The following KPNA6 variants were observed in gnomAD, a reference collection of about 807,000 sequenced individuals.
KPNA6 encodes the protein importin subunit alpha-7.
KPNA6 carries 9 observed loss-of-function variants against 72.0 expected under a neutral mutation model. The observed-to-expected ratio is 0.13, with a 90% CI of 0.08 to 0.22. KPNA6 has a LOEUF of 0.22. KPNA6 is among the 10% of genes least tolerant of loss of function. KPNA6 has a pLI of 1.00. For synonymous variants in KPNA6, 219 were observed against 242.1 expected, an observed-to-expected ratio of 0.90 and a Z score of 0.89; for missense variants, 374 against 655.7, an observed-to-expected ratio of 0.57 and a Z score of 4.69.
Position 32,158,268 on chromosome 1 carries a change from G to T in KPNA6, c.333G>T (p.Glu111Asp). The T allele has an allele frequency of 6.2e-7, 1 of 1,607,350 alleles. No individual in the cohort carries two copies. Among genetic ancestry groups the T allele is most frequent in the Non-Finnish European group, 8.5e-7 (1 of 1,174,196 alleles). Reference sequence around the variant, plus strand: ...TATTTTCCCTTCTCCCTTATCCAGAGCCTAGTCCTCCAATAGATGAAGTTA... The same window carrying T: ...TATTTTCCCTTCTCCCTTATCCAGATCCTAGTCCTCCAATAGATGAAGTTA... ...TQKFRKLLSKEPSPPIDEVIN... is the reference protein window; with the variant it reads ...TQKFRKLLSKDPSPPIDEVIN... The change falls in exon 5 of 14, where the codon GAG (glutamate) becomes GAT (aspartate). Residue 111 changes from glutamate to aspartate, a missense_variant and splice_region_variant. Physicochemically the swap from Glu to Asp is conservative, Grantham distance 45. This residue lies in a region of KPNA6 where 298 missense variants were observed against 495.4 expected (regional missense o/e 0.60). Coordinates refer to ENST00000373625, the MANE Select transcript of KPNA6 (RefSeq NM_012316.5).
intron 1 of KPNA6, among the ~76,000 whole-genome samples, chr1:32,146,129 G>C (rs1192850223): frequency 6.6e-6 from 1 of 152,064 alleles, no homozygotes; most frequent in African/African-American, 2.4e-5. Context: ...TTATAATTTT[G>C]TTCAAGTCCT....
At chr1:32,165,975 G>A (rs560810616) in intron 10 of KPNA6, 130 bp from the exon 11 acceptor site, 45 of 989,490 alleles carry the variant, frequency 4.5e-5, no homozygotes, top group Admixed American at 2.9e-4. Flanking sequence ...TCCAGCCTGG[G>A]CGTCAGAGCG....
rs1642153819 is a variant in KPNA6, at chr1:32,156,885, TGAA to T, written c.176_178del (p.Glu59del). The T allele has an allele frequency of 6.2e-7, 1 of 1,614,026 alleles. No individual in the cohort carries two copies. Among genetic ancestry groups the T allele is most frequent in the Non-Finnish European group, 8.5e-7 (1 of 1,179,992 alleles). ...AACGGAGAAATGTGGAGCTGATTAA[TGAA>T]GAAGCTGCCATGTTCGATAGTCTTC... is the stretch of plus-strand genomic sequence containing the variant. On this transcript the variant is annotated inframe_deletion, in exon 3 of 14. Coordinates refer to ENST00000373625, the MANE Select transcript of KPNA6 (RefSeq NM_012316.5).
intron 1 of KPNA6, among the ~76,000 whole-genome samples, chr1:32,114,463 T>A (rs1474740704): frequency 1.9e-4 from 29 of 149,388 alleles, no homozygotes; most frequent in African/African-American, 6.7e-4. Context: ...TATATATATA[T>A]ATATATATAT....
At chr1:32,110,024 G>A (rs1243511952) in intron 1 of KPNA6, among the ~76,000 whole-genome samples, 2 of 148,508 alleles carry the variant, frequency 1.3e-5, no homozygotes, top group Non-Finnish European at 3.0e-5. Context: ...ATTATTGTGT[G>A]TGGGGCAAGC....
Position 32,175,992 on chromosome 1 carries a change from G to C in KPNA6, c.*5098G>C, listed in dbSNP as rs1246163547. 6.6e-6 allele frequency: 1 copy of C among 151,886 alleles called. No homozygotes were observed. The highest frequency in any genetic ancestry group is 1.5e-5 in the Non-Finnish European group (1 of 68,002). The allele number at this position is 151,886 out of a possible 1,614,324, so 9.4% of individuals were successfully genotyped here. On this transcript the variant is annotated 3_prime_UTR_variant, in exon 14 of 14. Transcript: ENST00000373625. ...GTGGTGGTGGGCACCTGTGATCTCA[G>C]CTACGTGGGAGGCTGAGGCAGGAGA... is the stretch of plus-strand genomic sequence containing the variant.
In KPNA6 at chr1:32,155,644, A is replaced by G. The variant is rs1449958129; in HGVS notation, c.138+923A>G. ...CCACGCCCAGCCTGAGACTATAATA[A>G]TGCCTCACCATCTGCACTCCTACGC... On this transcript the variant is annotated intron_variant, in intron 2 of 13. Transcript: ENST00000373625. Among the ~76,000 whole-genome samples the G allele has an allele frequency of 2.6e-5, 4 of 151,438 alleles. No homozygotes were observed. In the East Asian group the frequency reaches 7.8e-4, roughly 29 times the overall value.
chr1:32,119,025 TATATATA>T (rs528870422), intron 1 of KPNA6, among the ~76,000 whole-genome samples: 25 of 85,658 alleles, frequency 2.9e-4, no homozygotes, highest in African/African-American at 9.8e-4. Flanking sequence ...TATATATATA[TATATATA>T]TTTTTTTTTT....
intron 1 of KPNA6, among the ~76,000 whole-genome samples, chr1:32,111,667 T>C (rs1026754106): frequency 3.9e-5 from 6 of 152,206 alleles, no homozygotes; most frequent in African/African-American, 1.4e-4. Flanking sequence ...CTGGAGACAC[T>C]AACACAGCCT....
rs756658262 is a variant in KPNA6 at position 32,170,837 on chromosome 1, G to A, written c.1554G>A (p.Thr518=). Residue 518 remains threonine (T), a synonymous_variant, in exon 14 of 14, where the codon ACG becomes ACA. Transcript: ENST00000373625. The part of the protein sequence containing the change: ...DSSLAPQVDE[T]QQQFIFQQPE... ...GCCTGGCTCCCCAAGTCGATGAAAC[G>A]CAACAGCAGTTCATCTTCCAGCAGC... The A allele has an allele frequency of 2.2e-5, 36 of 1,614,074 alleles. No homozygotes were observed. Among genetic ancestry groups the A allele is most frequent in the East Asian group, 2.2e-5 (1 of 44,894 alleles).
intron 1 of KPNA6, among the ~76,000 whole-genome samples, chr1:32,130,630 A>G (rs1257862975): frequency 1.3e-5 from 2 of 151,948 alleles, no homozygotes; most frequent in Non-Finnish European, 2.9e-5. Context: ...TACTAAAAAT[A>G]CAAAAATTAG....
At chr1:32,157,222 C>T (rs1642161328) in intron 3 of KPNA6, 124 bp from the exon 4 acceptor site, 3 of 691,486 alleles carry the variant, frequency 4.3e-6, no homozygotes, top group Non-Finnish European at 5.0e-6. Flanking sequence ...ACCCCTTCTC[C>T]TGAGCCTATT....
At chr1:32,113,378 A>G (rs1641272264) in intron 1 of KPNA6, among the ~76,000 whole-genome samples, 1 of 152,134 alleles carries the variant, frequency 6.6e-6, no homozygotes, top group African/African-American at 2.4e-5. Flanking sequence ...GCGACAGAGC[A>G]AGATCTTGTC....
rs193248141 is a variant in KPNA6 at position 32,109,532 on chromosome 1, A to G, written c.4+1398A>G. ...GGCCCTCTAGTGGTTGGGCAGGGAG[A>G]AAAGGGGAAAAAAGCTTTTAACCCT... On this transcript the variant is annotated intron_variant, in intron 1 of 13. Transcript: ENST00000373625. Among the ~76,000 whole-genome samples, 307 of 151,516 alleles carry G rather than the reference A, an allele frequency of 2.0e-3. 1 individual carries two copies. Among genetic ancestry groups the G allele is most frequent in the African/African-American group, 6.9e-3 (283 of 41,268 alleles).
chr1:32,122,808 T>G (rs1428136229), intron 1 of KPNA6, among the ~76,000 whole-genome samples: 1 of 151,706 alleles, frequency 6.6e-6, no homozygotes, highest in Non-Finnish European at 1.5e-5. Flanking sequence ...ATACAAAAAA[T>G]TAGCTGGGTG....
chr1:32,150,868 G>A (rs886768561), intron 1 of KPNA6, among the ~76,000 whole-genome samples: 5 of 151,670 alleles, frequency 3.3e-5, no homozygotes, highest in South Asian at 2.1e-4. Context: ...CTCGTGGTCC[G>A]CCCACCTCGG....
intron 5 of KPNA6, among the ~76,000 whole-genome samples, 189 bp from the exon 6 acceptor site, chr1:32,159,211 G>A (rs946958284): frequency 6.6e-6 from 1 of 152,226 alleles, no homozygotes; most frequent in Non-Finnish European, 1.5e-5. Context: ...CTAAAGACGG[G>A]AGGGGAAAGG....
Position 32,120,279 on chromosome 1 carries a change from C to G in KPNA6, c.4+12145C>G, listed in dbSNP as rs2124525469. Among the ~76,000 whole-genome samples the G allele has an allele frequency of 3.4e-5, 5 of 147,514 alleles. No individual in the cohort carries two copies. In the Admixed American group the frequency reaches 3.4e-4, roughly 10 times the overall value. On this transcript the variant is annotated intron_variant, in intron 1 of 13. Coordinates refer to ENST00000373625, the MANE Select transcript of KPNA6 (RefSeq NM_012316.5). ...TTTTTTTTTGAGATGGAGTCTCGCT[C>G]TGCCGCACAGGCTGGAGTGCAGTGG...
rs1642497964 is a variant in KPNA6, at chr1:32,174,788, G to A, written c.*3894G>A. ...TCTGCTTCCCTGGCAGCCTGGGGAAGGGTGCAGGGCTCAGTGCGCTAAACC... is the reference window on the plus strand; with the variant it reads ...TCTGCTTCCCTGGCAGCCTGGGGAAAGGTGCAGGGCTCAGTGCGCTAAACC... On this transcript the variant is annotated 3_prime_UTR_variant, in exon 14 of 14. Transcript: ENST00000373625. 1 of 152,250 alleles carries A rather than the reference G, an allele frequency of 6.6e-6. No individual in the cohort carries two copies. Among genetic ancestry groups the A allele is most frequent in the African/African-American group, 2.4e-5 (1 of 41,462 alleles). 9.4% of individuals were successfully genotyped at this position (152,250 alleles called of 1,614,324 possible). A position where few individuals can be genotyped will look rare whatever the true frequency, so the allele number is the denominator to read the frequency against.
Sources: gnomAD v4.1 joint callset for allele counts (sites outside exome capture counted in the v4.1 genomes callset) on GRCh38, gnomAD v4.1.1 for gene constraint, gnomAD v4.1.1 regional missense constraint, MANE v1.5 for transcripts, NCBI Gene and HGNC (gene_info 2026-07-23, HGNC 2026-07-21) for gene names.